TESPA1: variants seen among roughly 807,000 people sequenced by gnomAD.
The protein encoded by TESPA1 is protein TESPA1.
Under a neutral mutation model 57.9 loss-of-function variants are expected in TESPA1, and 33 were observed. The ratio of observed to expected loss-of-function variants is 0.57; its 90% CI spans 0.43 to 0.76. The LOEUF is 0.76. TESPA1 is among the 30% of genes least tolerant of loss of function. The probability of loss-of-function intolerance (pLI) is 0.00; values close to 1 mark genes in which losing one functional copy is unlikely to be tolerated. For missense variants in TESPA1, 618 were observed against 632.9 expected, an observed-to-expected ratio of 0.98 and a Z score of 0.25; for synonymous variants, 227 against 228.9, an observed-to-expected ratio of 0.99 and a Z score of 0.07.
chr12:54,965,967 G>GA (rs566779893), intron 7 of TESPA1, 86 bp downstream of exon 7: 9 of 1,312,634 alleles, frequency 6.9e-6, no homozygotes, highest in African/African-American at 1.5e-5. Flanking sequence ...AGATATCCCA[G>GA]AAAAAACAGG....
chr12:54,974,158 C>T (rs1952017991), intron 2 of TESPA1, among the ~76,000 whole-genome samples: 1 of 152,228 alleles, frequency 6.6e-6, no homozygotes. Context: ...CTTACAGAAG[C>T]TTCTCAGGAT....
chr12:54,953,766 C>T (rs1302581893), intron 10 of TESPA1, among the ~76,000 whole-genome samples: 1 of 152,048 alleles, frequency 6.6e-6, no homozygotes, highest in Non-Finnish European at 1.5e-5. Context: ...GTGATCTGCC[C>T]GCCTCGGCCT....
chr12:54,950,259 TG>T lies in TESPA1; in HGVS notation c.*132del, dbSNP rs1284179372. On this transcript the variant is annotated 3_prime_UTR_variant, in exon 11 of 11. Transcript: ENST00000449076. Reference sequence around the variant, plus strand: ...CATGCTGCCTTTCTCCTGCAGAGTTTGGGGGTTTGGAGGACCAAGGAGTAGG... The same window carrying T: ...CATGCTGCCTTTCTCCTGCAGAGTTTGGGGTTTGGAGGACCAAGGAGTAGG... 4.4e-6 allele frequency: 2 copies of T among 456,692 alleles called. No homozygotes were observed. Among genetic ancestry groups the T allele is most frequent in the Non-Finnish European group, 8.8e-6 (2 of 226,954 alleles). The allele number at this position is 456,692 out of a possible 1,614,324, so 28.3% of individuals were successfully genotyped here.
chr12:54,984,189 C>A (rs1380805471), intron 1 of TESPA1: 1 of 152,216 alleles, frequency 6.6e-6, no homozygotes, highest in East Asian at 1.9e-4. Context: ...CGGGAAACTT[C>A]TTCCTTGAGA....
At chr12:54,967,259 T>C in intron 4 of TESPA1, 23 bp from the exon 5 acceptor site, 1 of 1,610,426 alleles carries the variant, frequency 6.2e-7, no homozygotes, top group South Asian at 1.1e-5. Flanking sequence ...CAGGTGAGGG[T>C]CACAGAAAAC....
chr12:54,976,826 C>A (rs1952156170), intron 1 of TESPA1, among the ~76,000 whole-genome samples: 1 of 152,122 alleles, frequency 6.6e-6, no homozygotes, highest in South Asian at 2.1e-4. Context: ...ATTTTACATT[C>A]CTCCCACATC....
chr12:54,977,750 T>C (rs1296086990), intron 1 of TESPA1, among the ~76,000 whole-genome samples: 2 of 152,196 alleles, frequency 1.3e-5, no homozygotes, highest in African/African-American at 4.8e-5. Context: ...GAAAAAGTAA[T>C]AGTGATCTCA....
chr12:54,958,918 C>G (rs1163934075), intron 10 of TESPA1, among the ~76,000 whole-genome samples: 4 of 152,180 alleles, frequency 2.6e-5, no homozygotes, highest in African/African-American at 9.7e-5. Flanking sequence ...ACTACTTTAT[C>G]CATTAGAGCC....
At chr12:54,957,011 TG>T (rs1338058373) in intron 10 of TESPA1, among the ~76,000 whole-genome samples, 1 of 152,134 alleles carries the variant, frequency 6.6e-6, no homozygotes, top group African/African-American at 2.4e-5. Flanking sequence ...CAGCACTGCA[TG>T]GGGGGTTAAG....
At chr12:54,981,740 A>G (rs141735096) in intron 1 of TESPA1, 1 of 152,324 alleles carries the variant, frequency 6.6e-6, no homozygotes, top group Non-Finnish European at 1.5e-5. Context: ...AGTCACAAAG[A>G]ATATTAGTGG....
At chr12:54,980,472 A>G (rs757375626) in intron 1 of TESPA1, among the ~76,000 whole-genome samples, 1 of 152,188 alleles carries the variant, frequency 6.6e-6, no homozygotes, top group Non-Finnish European at 1.5e-5. Context: ...AGAATATTTC[A>G]TAACGGTTTG....
In TESPA1 at chr12:54,962,925, C is replaced by T; in HGVS notation, c.973G>A (p.Glu325Lys). 1 of 1,613,746 alleles carries T rather than the reference C, an allele frequency of 6.2e-7. No homozygotes were observed. The highest frequency in any genetic ancestry group is 8.5e-7 in the Non-Finnish European group (1 of 1,179,838). ...VVLEVMDKVK[E>K]EKQFLQQDSD... is the part of the protein sequence containing the mutation. ...TCTTGCTGGAGGAACTGCTTCTCTT[C>T]TTTCACTTTGTCCATCACTTCCAAC... The change falls in exon 9 of 11, where the codon GAA becomes AAA. Residue 325 changes from glutamate (E) to lysine (K), a missense_variant. Glu to Lys is a moderately conservative substitution (Grantham distance 56). Around this residue, in one of 3 missense-constraint regions of TESPA1, gnomAD observed 409 missense variants for 420.1 expected, o/e 0.97. Coordinates refer to ENST00000449076, the MANE Select transcript of TESPA1 (RefSeq NM_001136030.3).
chr12:54,966,261 C>G (rs2279450), intron 6 of TESPA1, 110 bp from the exon 7 acceptor site: 59,051 of 1,571,420 alleles, frequency 0.038, 8,317 homozygotes, highest in African/African-American at 0.38. Context: ...CTATGCAGTG[C>G]TTGTTCGTTG....
chr12:54,962,172 T>A (rs528965736), intron 9 of TESPA1, among the ~76,000 whole-genome samples: 1 of 152,276 alleles, frequency 6.6e-6, no homozygotes, highest in East Asian at 1.9e-4. Flanking sequence ...TGATGAGAGG[T>A]GTACTTAATG....
chr12:54,951,773 AC>A (rs1265248263), intron 10 of TESPA1, among the ~76,000 whole-genome samples: 3 of 136,916 alleles, frequency 2.2e-5, no homozygotes, highest in Non-Finnish European at 4.5e-5. Flanking sequence ...TCTATTTGCA[AC>A]CTTTTTCTAA....
intron 1 of TESPA1, among the ~76,000 whole-genome samples, chr12:54,977,292 A>T (rs1000240711): frequency 6.6e-6 from 1 of 152,118 alleles, no homozygotes; most frequent in African/African-American, 2.4e-5. Flanking sequence ...CCCTTTCCTC[A>T]TAGGAGCCCA....
intron 3 of TESPA1, among the ~76,000 whole-genome samples, chr12:54,969,478 C>T (rs919067696): frequency 6.6e-6 from 1 of 152,102 alleles, no homozygotes; most frequent in African/African-American, 2.4e-5. Flanking sequence ...AAATAGACTA[C>T]AATTCCATTT....
At chr12:54,959,529 A>C (rs937807443) in intron 10 of TESPA1, among the ~76,000 whole-genome samples, 1 of 152,176 alleles carries the variant, frequency 6.6e-6, no homozygotes, top group African/African-American at 2.4e-5. Flanking sequence ...GGGTCTCCCT[A>C]GAGTTTTTAT....
At chr12:54,958,317 AACCT>A (rs1950860251) in intron 10 of TESPA1, among the ~76,000 whole-genome samples, 1 of 152,190 alleles carries the variant, frequency 6.6e-6, no homozygotes, top group Non-Finnish European at 1.5e-5. Context: ...TCTTGGCAAG[AACCT>A]ACTTGTGGAG....
Sources: gnomAD v4.1 joint callset for allele counts (sites outside exome capture counted in the v4.1 genomes callset) on GRCh38, gnomAD v4.1.1 for gene constraint, gnomAD v4.1.1 regional missense constraint, MANE v1.5 for transcripts, NCBI Gene and HGNC (gene_info 2026-07-23, HGNC 2026-07-21) for gene names.